PACRG: variants seen among roughly 807,000 people sequenced by gnomAD.
PACRG encodes parkin coregulated.
Under a neutral mutation model 29.7 loss-of-function variants are expected in PACRG, and 29 were observed. That is an observed-to-expected ratio of 0.98 (90% CI 0.73 to 1.33). The LOEUF is 1.33. Ranked by LOEUF, PACRG falls within the 40% of genes most tolerant of loss-of-function variation. The pLI is 0.00. For synonymous variants in PACRG, 116 were observed against 118.7 expected, an observed-to-expected ratio of 0.98 and a Z score of 0.15; for missense variants, 279 against 316.2, an observed-to-expected ratio of 0.88 and a Z score of 0.89.
intron 4 of PACRG, among the ~76,000 whole-genome samples, chr6:163,283,657 C>T (rs1032805211): frequency 1.3e-5 from 2 of 151,180 alleles, no homozygotes; most frequent in South Asian, 2.1e-4. Flanking sequence ...AAAAATTAGC[C>T]GGGCGCGGTG....
At chr6:162,999,826 G>A (rs898934327) in intron 2 of PACRG, among the ~76,000 whole-genome samples, 8 of 152,152 alleles carry the variant, frequency 5.3e-5, no homozygotes, top group African/African-American at 1.4e-4. Flanking sequence ...CATGGCCTGC[G>A]CCTGGTATTT....
At chr6:163,035,310 C>G (rs1160323805) in intron 2 of PACRG, among the ~76,000 whole-genome samples, 2 of 152,032 alleles carry the variant, frequency 1.3e-5, no homozygotes, top group East Asian at 3.9e-4. Context: ...GTCAGGAGTT[C>G]CAGACCAGCC....
chr6:162,926,875 A>G (rs1199881187), intron 2 of PACRG, among the ~76,000 whole-genome samples: 1 of 152,006 alleles, frequency 6.6e-6, no homozygotes, highest in Middle Eastern at 3.2e-3. Context: ...GGCAACCTGC[A>G]GAATGGGAGA....
At chr6:162,997,426 C>G (rs1327999140) in intron 2 of PACRG, 6 of 454,290 alleles carry the variant, frequency 1.3e-5, no homozygotes, top group African/African-American at 6.0e-5. Context: ...TGAAAAATTA[C>G]AAAACCACAT....
intron 4 of PACRG, among the ~76,000 whole-genome samples, chr6:163,226,031 A>C (rs1314024527): frequency 6.6e-6 from 1 of 152,144 alleles, no homozygotes. Flanking sequence ...AAACAAAATA[A>C]AAAGAAGGAA....
intron 2 of PACRG, among the ~76,000 whole-genome samples, chr6:162,856,877 A>G (rs1791441981): frequency 6.6e-6 from 1 of 152,078 alleles, no homozygotes; most frequent in African/African-American, 2.4e-5. Flanking sequence ...TTTGGCTGAG[A>G]AGGCATCTGG....
At chr6:163,157,262 T>C (rs914831955) in intron 4 of PACRG, among the ~76,000 whole-genome samples, 3 of 152,246 alleles carry the variant, frequency 2.0e-5, no homozygotes, top group Non-Finnish European at 2.9e-5. Flanking sequence ...GCAGTGTGAC[T>C]GCCTCTGTGT....
chr6:162,836,576 G>A (rs1789244285), intron 2 of PACRG, among the ~76,000 whole-genome samples: 1 of 152,086 alleles, frequency 6.6e-6, no homozygotes, highest in South Asian at 2.1e-4. Context: ...TGGAGGTGGA[G>A]GGAAGAGCCC....
chr6:162,776,971 GGGTA>G (rs1366844298), intron 1 of PACRG, among the ~76,000 whole-genome samples: 6 of 152,084 alleles, frequency 3.9e-5, no homozygotes, highest in Non-Finnish European at 1.5e-5. Context: ...ACTACACATT[GGGTA>G]CAGTGCACAC....
At chr6:163,129,306 C>T (rs1029898409) in intron 4 of PACRG, among the ~76,000 whole-genome samples, 2 of 152,204 alleles carry the variant, frequency 1.3e-5, no homozygotes, top group South Asian at 2.1e-4. Flanking sequence ...GATTTAGTCC[C>T]GTCACAGGAC....
chr6:162,861,276 A>C (rs909764283), intron 2 of PACRG, among the ~76,000 whole-genome samples: 1 of 152,224 alleles, frequency 6.6e-6, no homozygotes, highest in African/African-American at 2.4e-5. Context: ...CTGATGTCTT[A>C]ATTCAATTGG....
chr6:162,930,369 C>T (rs764168996), intron 2 of PACRG, among the ~76,000 whole-genome samples: 5 of 151,672 alleles, frequency 3.3e-5, no homozygotes, highest in Non-Finnish European at 7.4e-5. Flanking sequence ...GATGGGATTA[C>T]TTTCTTGATT....
At chr6:163,134,916 C>T (rs1756859543) in intron 4 of PACRG, among the ~76,000 whole-genome samples, 1 of 152,094 alleles carries the variant, frequency 6.6e-6, no homozygotes, top group South Asian at 2.1e-4. Flanking sequence ...CGAATAACAC[C>T]GACACCACCT....
At chr6:163,069,542 C>G (rs1811852848) in intron 3 of PACRG, among the ~76,000 whole-genome samples, 1 of 151,950 alleles carries the variant, frequency 6.6e-6, no homozygotes, top group South Asian at 2.1e-4. Context: ...CTTTTAATAG[C>G]AGAATTGATC....
intron 4 of PACRG, among the ~76,000 whole-genome samples, chr6:163,138,685 G>A (rs540312391): frequency 2.0e-5 from 3 of 152,302 alleles, no homozygotes; most frequent in African/African-American, 7.2e-5. Flanking sequence ...CTGCTATGCA[G>A]CCTGGTTCCT....
intron 2 of PACRG, among the ~76,000 whole-genome samples, chr6:162,827,354 A>G (rs1229535476): frequency 6.6e-6 from 1 of 152,238 alleles, no homozygotes; most frequent in Non-Finnish European, 1.5e-5. Flanking sequence ...GCAATTTAGT[A>G]GATGGTTCAT....
intron 2 of PACRG, among the ~76,000 whole-genome samples, chr6:163,037,116 C>T (rs1361646786): frequency 6.6e-6 from 1 of 152,178 alleles, no homozygotes; most frequent in Admixed American, 6.5e-5. Context: ...CTTTGTCATC[C>T]GTAACTGTTC....
intron 3 of PACRG, among the ~76,000 whole-genome samples, chr6:163,074,770 ATGT>A (rs1812389494): frequency 6.6e-6 from 1 of 152,188 alleles, no homozygotes; most frequent in Admixed American, 6.5e-5. Flanking sequence ...CAAAAACCAA[ATGT>A]TGGTTGGTTC....
intron 1 of PACRG, among the ~76,000 whole-genome samples, chr6:162,806,953 T>A (rs1186037666): frequency 2.6e-5 from 4 of 152,240 alleles, no homozygotes; most frequent in Non-Finnish European, 5.9e-5. Flanking sequence ...TCATCATTTA[T>A]CTTAGGTAGA....
Sources: gnomAD v4.1 joint callset for allele counts (sites outside exome capture counted in the v4.1 genomes callset) on GRCh38, gnomAD v4.1.1 for gene constraint, MANE v1.5 for transcripts, NCBI Gene and HGNC (gene_info 2026-07-23, HGNC 2026-07-21) for gene names.